The following YWHAG variants were observed in gnomAD, a reference collection of about 807,000 sequenced individuals.
The protein encoded by YWHAG is 14-3-3 protein gamma.
Under a neutral mutation model 23.3 loss-of-function variants are expected in YWHAG, and 1 was observed. The ratio of observed to expected loss-of-function variants is 0.04; its 90% confidence interval spans 0.02 to 0.20. YWHAG has a LOEUF of 0.20. Among genes scored for constraint, YWHAG ranks in the 10% least tolerant of loss-of-function variants. The pLI, the probability that YWHAG is intolerant of heterozygous loss-of-function variation, is 1.00. For missense variants in YWHAG, 151 were observed against 338.6 expected, an observed-to-expected ratio of 0.45 and a Z score of 4.35; for synonymous variants, 160 against 144.0, an observed-to-expected ratio of 1.11 and a Z score of -0.80.
chr7:76,355,198 T>C (rs970889972), intron 1 of YWHAG, among the ~76,000 whole-genome samples: 1 of 152,234 alleles, frequency 6.6e-6, no homozygotes, highest in Non-Finnish European at 1.5e-5. Flanking sequence ...GATGTGACTA[T>C]GTGACAGTTA....
chr7:76,340,576 G>C (rs1290596803), intron 1 of YWHAG, among the ~76,000 whole-genome samples: 1 of 152,154 alleles, frequency 6.6e-6, no homozygotes, highest in Non-Finnish European at 1.5e-5. Context: ...TTATGATTAA[G>C]TATCATTATT....
chr7:76,344,807 A>G (rs949624753), intron 1 of YWHAG, among the ~76,000 whole-genome samples: 3 of 152,232 alleles, frequency 2.0e-5, no homozygotes, highest in Admixed American at 6.5e-5. Flanking sequence ...ATTCACTTTT[A>G]AAGTCAAACT....
Position 76,329,341 on chromosome 7 carries a change from C to T in YWHAG, c.*236G>A, listed in dbSNP as rs191351438. 3.0e-5 allele frequency: 16 copies of T among 534,018 alleles called. No homozygotes were observed. Among genetic ancestry groups the T allele is most frequent in the African/African-American group, 2.5e-4 (13 of 52,872 alleles). The allele number at this position is 534,018 out of a possible 1,614,324, so 33.1% of individuals were successfully genotyped here. A position where few individuals can be genotyped will look rare whatever the true frequency, so the allele number is the denominator to read the frequency against. ...GCTCCACTTGCATGAATCTACAGAA[C>T]AGTCCAGACGCCAGTGTGAGGCTGC... On this transcript the variant is annotated 3_prime_UTR_variant, in exon 2 of 2. Coordinates refer to ENST00000307630, the MANE Select transcript of YWHAG (RefSeq NM_012479.4). This position sits in a 1 kb window ranked among gnomAD's most constrained non-coding sequence, Gnocchi z 6.1.
At position 76,327,259 on chromosome 7, in the gene YWHAG, A is replaced by G. The variant is rs973621196; in HGVS notation, c.*2318T>C. On this transcript the variant is annotated 3_prime_UTR_variant, in exon 2 of 2. Coordinates refer to ENST00000307630, the MANE Select transcript of YWHAG (RefSeq NM_012479.4). ...AACCTTTAAAAAATTTGAAGACTTA[A>G]TTTTTTTTGTCATAGGAATACATAA... is the stretch of plus-strand genomic sequence containing the variant. 7 of 151,892 alleles carry G rather than the reference A, an allele frequency of 4.6e-5. No homozygotes were observed. The highest frequency in any genetic ancestry group is 1.0e-4 in the Non-Finnish European group (7 of 67,934). 9.4% of individuals were successfully genotyped at this position (151,892 alleles called of 1,614,324 possible).
intron 1 of YWHAG, among the ~76,000 whole-genome samples, chr7:76,337,283 G>A (rs1176272267): frequency 5.3e-5 from 8 of 152,118 alleles, no homozygotes; most frequent in Non-Finnish European, 1.0e-4. Context: ...TGGTACAAAC[G>A]ATCTGGTTTA....
rs1803481080 is a variant in YWHAG at position 76,328,163 on chromosome 7, C to T, written c.*1414G>A. The stretch of plus-strand genomic sequence containing the variant: ...GATTCACCCGAAATGAGAATGAGGG[C>T]CTTAAGGCTGCCGAAAACAAATGGG... On this transcript the variant is annotated 3_prime_UTR_variant, in exon 2 of 2. Transcript: ENST00000307630. The T allele has an allele frequency of 6.6e-6, 1 of 152,104 alleles. No individual in the cohort carries two copies. Among genetic ancestry groups the T allele is most frequent in the South Asian group, 2.1e-4 (1 of 4,832 alleles). The allele number at this position is 152,104 out of a possible 1,614,324, so 9.4% of individuals were successfully genotyped here.
intron 1 of YWHAG, among the ~76,000 whole-genome samples, chr7:76,349,438 C>CAGAA (rs1803839948): frequency 8.9e-6 from 1 of 112,970 alleles, no homozygotes; most frequent in African/African-American, 4.0e-5. Context: ...CACACACACA[C>CAGAA]ACACAGACAC....
chr7:76,350,426 C>T (rs1803856897), intron 1 of YWHAG, among the ~76,000 whole-genome samples: 1 of 152,172 alleles, frequency 6.6e-6, no homozygotes, highest in Non-Finnish European at 1.5e-5. Flanking sequence ...TCTTAACGTA[C>T]GAATTGTGCC....
intron 1 of YWHAG, among the ~76,000 whole-genome samples, chr7:76,347,289 T>C (rs887919602): frequency 6.6e-6 from 1 of 152,212 alleles, no homozygotes; most frequent in Non-Finnish European, 1.5e-5. Context: ...AATATTCAAA[T>C]GCTTACATCC....
intron 1 of YWHAG, among the ~76,000 whole-genome samples, chr7:76,356,953 G>A (rs1803970559): frequency 6.6e-6 from 1 of 152,230 alleles, no homozygotes; most frequent in Admixed American, 6.5e-5. Flanking sequence ...TAGGTGCATT[G>A]CAGCCTCTGT....
At chr7:76,338,104 C>A (rs1338197842) in intron 1 of YWHAG, among the ~76,000 whole-genome samples, 1 of 152,006 alleles carries the variant, frequency 6.6e-6, no homozygotes, top group Non-Finnish European at 1.5e-5. Flanking sequence ...CGTGAAGACA[C>A]AAAACACTAG....
At chr7:76,342,457 C>G (rs1217417100) in intron 1 of YWHAG, among the ~76,000 whole-genome samples, 4 of 152,172 alleles carry the variant, frequency 2.6e-5, no homozygotes, top group African/African-American at 9.7e-5. Context: ...TGAATTCCAC[C>G]TTCAGAGGTT....
At chr7:76,353,509 C>G (rs1803903646) in intron 1 of YWHAG, among the ~76,000 whole-genome samples, 1 of 152,194 alleles carries the variant, frequency 6.6e-6, no homozygotes, top group African/African-American at 2.4e-5. Context: ...CCGTGCCTGA[C>G]CCAGGGAATT....
chr7:76,336,394 A>C (rs186616654), intron 1 of YWHAG, among the ~76,000 whole-genome samples: 15 of 150,372 alleles, frequency 1.0e-4, no homozygotes, highest in African/African-American at 3.4e-4. Flanking sequence ...GGCAGGGGGT[A>C]TATGGGAACT....
In YWHAG at chr7:76,356,666, T is replaced by C. The variant is rs574596301; in HGVS notation, c.87+2056A>G. ...TCCATAAATTATCGTTTAAAATTTC[T>C]ACTTTTATTCCATCATTGCCCAGTA... On this transcript the variant is annotated intron_variant, in intron 1 of 1. Transcript: ENST00000307630. 3.9e-5 allele frequency among the ~76,000 whole-genome samples: 6 copies of C among 152,366 alleles called. No homozygotes were observed. The South Asian group carries it at 1.0e-3, about 26-fold the overall frequency.
chr7:76,348,845 C>A (rs1803826661), intron 1 of YWHAG, among the ~76,000 whole-genome samples: 2 of 151,224 alleles, frequency 1.3e-5, no homozygotes, highest in Admixed American at 6.6e-5. Flanking sequence ...TCCCAAAGTG[C>A]TGGGATTACA....
chr7:76,351,168 A>G (rs535084500), intron 1 of YWHAG, among the ~76,000 whole-genome samples: 1 of 152,272 alleles, frequency 6.6e-6, no homozygotes, highest in African/African-American at 2.4e-5. Flanking sequence ...AGCATCCTGA[A>G]AGGCCACCAA....
intron 1 of YWHAG, among the ~76,000 whole-genome samples, chr7:76,351,519 C>T (rs1312725459): frequency 6.6e-6 from 1 of 152,186 alleles, no homozygotes; most frequent in African/African-American, 2.4e-5. Context: ...GGTCCATGGC[C>T]TGTCACGAAC....
intron 1 of YWHAG, among the ~76,000 whole-genome samples, chr7:76,332,918 G>T (rs1803566288): frequency 6.6e-6 from 1 of 152,082 alleles, no homozygotes; most frequent in Admixed American, 6.6e-5. Flanking sequence ...TGGCCAGGAT[G>T]GTCTCAAACT....
Sources: allele counts gnomAD v4.1 joint callset (sites outside exome capture counted in the v4.1 genomes callset), GRCh38; gene constraint gnomAD v4.1.1; non-coding constraint Gnocchi (gnomAD v3.1); transcripts MANE v1.5; gene names NCBI Gene and HGNC (gene_info 2026-07-23, HGNC 2026-07-21).